Variants in FHAD1 observed in about 807,000 individuals in gnomAD.
The protein encoded by FHAD1 is forkhead-associated domain-containing protein 1.
A neutral mutation model predicts 191.3 loss-of-function variants in FHAD1; 146 were observed. The ratio of observed to expected loss-of-function variants is 0.76; its 90% CI spans 0.67 to 0.88. FHAD1 has a LOEUF of 0.88. Ranked by LOEUF, FHAD1 falls within the 40% of genes least tolerant of loss-of-function variation. The probability of loss-of-function intolerance (pLI) is 0.00; values close to 1 mark genes in which losing one functional copy is unlikely to be tolerated. For synonymous variants in FHAD1, 616 were observed against 672.3 expected, an observed-to-expected ratio of 0.92 and a Z score of 1.29; for missense variants, 1,635 against 1,785.8, an observed-to-expected ratio of 0.92 and a Z score of 1.52.
intron 2 of FHAD1, among the ~76,000 whole-genome samples, chr1:15,260,077 AT>A (rs768142020): frequency 3.3e-5 from 5 of 152,324 alleles, no homozygotes; most frequent in Non-Finnish European, 5.9e-5. Flanking sequence ...CTGGGGAGAA[AT>A]TGATTGTCTT....
chr1:15,255,037 C>T (rs1927187), intron 2 of FHAD1, among the ~76,000 whole-genome samples: 88,781 of 151,526 alleles, frequency 0.59, 26,302 homozygotes, highest in East Asian at 0.7. Flanking sequence ...GAAGCCACCC[C>T]GAGTAATAAT....
At chr1:15,319,707 CACAG>C (rs1337977918) in intron 10 of FHAD1, among the ~76,000 whole-genome samples, 7 of 152,248 alleles carry the variant, frequency 4.6e-5, no homozygotes, top group South Asian at 2.1e-4. Flanking sequence ...CAAAATAAAA[CACAG>C]ACAGACAGAC....
rs911717924 is a variant in FHAD1 at position 15,325,323 on chromosome 1, G to A, written c.1473+764G>A. On this transcript the variant is annotated intron_variant, in intron 11 of 33. Coordinates refer to ENST00000688493, the MANE Select transcript of FHAD1 (RefSeq NM_001391957.1). The surrounding 1 kb of genome is among the most constrained non-coding windows in gnomAD (Gnocchi z 4.6). ...CACAGAATGGTTTGCACACACACGT[G>A]TGTGTGCGTGTGTGTGTGTGTATTA... 10 of 151,898 alleles carry A rather than the reference G, an allele frequency of 6.6e-5. No individual in the cohort carries two copies. Among genetic ancestry groups the A allele is most frequent in the African/African-American group, 2.4e-4 (10 of 41,322 alleles). 9.4% of individuals were successfully genotyped at this position (151,898 alleles called of 1,614,324 possible).
At position 15,345,456 on chromosome 1, in the gene FHAD1, A is replaced by G. The variant is rs1211697298; in HGVS notation, c.2279A>G (p.Lys760Arg). 1.9e-6 allele frequency: 3 copies of G among 1,552,400 alleles called. No homozygotes were observed. Among genetic ancestry groups the G allele is most frequent in the Non-Finnish European group, 2.6e-6 (3 of 1,147,152 alleles). Residue 760 changes from lysine (K) to arginine (R), a missense_variant, in exon 18 of 34, where the codon AAG becomes AGG. Coordinates refer to ENST00000688493, the MANE Select transcript of FHAD1 (RefSeq NM_001391957.1). ...ATTACCCAGGAGAAGAACAGAGTGAAGGAAGCATTAGAGGAAGAGCAGACA... is the reference window on the plus strand; with the variant it reads ...ATTACCCAGGAGAAGAACAGAGTGAGGGAAGCATTAGAGGAAGAGCAGACA... The part of the protein sequence containing the change: ...KSITQEKNRV[K>R]EALEEEQTRV...
Position 15,339,556 on chromosome 1 carries a change from T to C in FHAD1, c.1977+5T>C, listed in dbSNP as rs773016941. The C allele has an allele frequency of 3.9e-5, 49 of 1,257,740 alleles. No homozygotes were observed. The South Asian group carries it at 6.2e-4, about 16-fold the overall frequency. 77.9% of individuals were successfully genotyped at this position (1,257,740 alleles called of 1,614,324 possible). A position where few individuals can be genotyped will look rare whatever the true frequency, so the allele number is the denominator to read the frequency against. On this transcript the variant is annotated splice_donor_5th_base_variant and intron_variant, in intron 15 of 33. Transcript: ENST00000688493. ...AGCCAGGCCCAGGAACTTCAGGTAA[T>C]TCTTTTAATTTCTTTTTTTCCAAAG...
chr1:15,333,824 C>CTTTTTTTTTTTTTT (rs55698715), intron 14 of FHAD1, among the ~76,000 whole-genome samples: 9 of 64,802 alleles, frequency 1.4e-4, no homozygotes, highest in Non-Finnish European at 1.7e-4. Flanking sequence ...TTTTATTTAT[C>CTTTTTTTTTTTTTT]TTTTTTTTTT....
At chr1:15,310,182 C>G (rs955756789) in intron 7 of FHAD1, among the ~76,000 whole-genome samples, 1 of 152,144 alleles carries the variant, frequency 6.6e-6, no homozygotes, top group Admixed American at 6.5e-5. Flanking sequence ...CTCCTAAAGT[C>G]CCCCCTGCAC....
rs540430810 is a variant in FHAD1 at position 15,365,724 on chromosome 1, G to A, written c.3048-103G>A. 8.5e-5 allele frequency: 59 copies of A among 694,926 alleles called. 1 individual carries two copies. Among genetic ancestry groups the A allele is most frequent in the African/African-American group, 6.1e-4 (34 of 55,918 alleles). The allele number at this position is 694,926 out of a possible 1,614,324, so 43.0% of individuals were successfully genotyped here. A position where few individuals can be genotyped will look rare whatever the true frequency, so the allele number is the denominator to read the frequency against. On this transcript the variant is annotated intron_variant, in intron 23 of 33. Transcript: ENST00000688493. Reference sequence around the variant, plus strand: ...TGCTGGGACTGGCGTTGCATGGACCGTGATTGAGAATCTCTTTGCATTTGT... The same window carrying A: ...TGCTGGGACTGGCGTTGCATGGACCATGATTGAGAATCTCTTTGCATTTGT...
chr1:15,344,315 GGACTTTGTTTCAAAGGGAAAAAAAA>G, intron 16 of FHAD1, among the ~76,000 whole-genome samples: 1 of 152,088 alleles, frequency 6.6e-6, no homozygotes, highest in Non-Finnish European at 1.5e-5. Context: ...ACTTGTTTGA[GGACTTTGTTTCAAAGGGAAAAAAAA>G]TTCTATGTTC....
chr1:15,259,796 G>A (rs991075453), intron 2 of FHAD1, among the ~76,000 whole-genome samples: 26 of 152,286 alleles, frequency 1.7e-4, no homozygotes, highest in African/African-American at 6.3e-4. Context: ...GTCGGGGACA[G>A]CTCCTCAGAG....
At chr1:15,350,288 G>A (rs1221724835) in intron 19 of FHAD1, among the ~76,000 whole-genome samples, 1 of 152,262 alleles carries the variant, frequency 6.6e-6, no homozygotes, top group Non-Finnish European at 1.5e-5. Flanking sequence ...GGAAGCAGGG[G>A]CGGCTCCAGG....
intron 14 of FHAD1, among the ~76,000 whole-genome samples, chr1:15,335,019 C>G (rs1402809639): frequency 2.0e-5 from 3 of 152,186 alleles, no homozygotes; most frequent in African/African-American, 7.2e-5. Context: ...TTTAGAACAT[C>G]CTCCTAAGAG....
intron 3 of FHAD1, among the ~76,000 whole-genome samples, chr1:15,279,812 G>A (rs919193606): frequency 6.6e-6 from 1 of 152,110 alleles, no homozygotes; most frequent in Non-Finnish European, 1.5e-5. Flanking sequence ...CTGGAGTGGA[G>A]GGGATGAGCC....
intron 16 of FHAD1, chr1:15,343,985 G>A (rs987206856): frequency 6.6e-6 from 1 of 152,200 alleles, no homozygotes; most frequent in African/African-American, 2.4e-5. Flanking sequence ...GACAACCCTG[G>A]CGACACTGGC....
intron 23 of FHAD1, among the ~76,000 whole-genome samples, chr1:15,363,077 G>A (rs2102699923): frequency 1.3e-5 from 2 of 152,282 alleles, no homozygotes; most frequent in East Asian, 3.9e-4. Context: ...AATTTATAAA[G>A]AAAAGAGATT....
intron 2 of FHAD1, among the ~76,000 whole-genome samples, chr1:15,252,451 T>C (rs1646899193): frequency 6.6e-6 from 1 of 152,224 alleles, no homozygotes. Flanking sequence ...GGTGTTGCCA[T>C]GGCAACAGTA....
At chr1:15,257,349 A>G (rs554550793) in intron 2 of FHAD1, among the ~76,000 whole-genome samples, 8 of 152,338 alleles carry the variant, frequency 5.3e-5, no homozygotes, top group African/African-American at 1.7e-4. Context: ...TGACATTTTA[A>G]TTCACATTTC....
chr1:15,394,402 A>C (rs527302340), intron 33 of FHAD1, among the ~76,000 whole-genome samples: 1 of 152,220 alleles, frequency 6.6e-6, no homozygotes, highest in South Asian at 2.1e-4. Flanking sequence ...AAGGAATATA[A>C]AGTAAGGGTT....
intron 28 of FHAD1, among the ~76,000 whole-genome samples, chr1:15,378,650 C>T (rs1700198801): frequency 6.6e-6 from 1 of 152,230 alleles, no homozygotes; most frequent in South Asian, 2.1e-4. Flanking sequence ...TTATTCTCAT[C>T]TCATAGATAG....
Sources: allele counts gnomAD v4.1 joint callset (sites outside exome capture counted in the v4.1 genomes callset), GRCh38; gene constraint gnomAD v4.1.1; non-coding constraint Gnocchi (gnomAD v3.1); transcripts MANE v1.5; gene names NCBI Gene and HGNC (gene_info 2026-07-23, HGNC 2026-07-21).